MCC: variants seen among roughly 807,000 people sequenced by gnomAD.
The protein encoded by MCC is MCC regulator of Wnt signaling pathway, also known as colorectal mutant cancer protein.
A neutral mutation model predicts 116.2 loss-of-function variants in MCC; 90 were observed. The observed-to-expected ratio is 0.77, with a 90% CI of 0.65 to 0.92. MCC has a LOEUF of 0.92. Among genes scored for constraint, MCC ranks in the 40% least tolerant of loss-of-function variants. MCC has a pLI of 0.00. For synonymous variants in MCC, 578 were observed against 510.5 expected, an observed-to-expected ratio of 1.13 and a Z score of -1.78; for missense variants, 1,516 against 1,312.2, an observed-to-expected ratio of 1.16 and a Z score of -2.40.
intron 15 of MCC, among the ~76,000 whole-genome samples, chr5:113,052,054 C>T (rs1752521367): frequency 6.6e-6 from 1 of 152,134 alleles, no homozygotes; most frequent in Non-Finnish European, 1.5e-5. Context: ...CTCCTCCCAG[C>T]TTTTCTACTT....
intron 16 of MCC, chr5:113,044,579 T>C (rs1305360930): frequency 1.5e-6 from 1 of 678,222 alleles, no homozygotes; most frequent in Non-Finnish European, 1.8e-6. Context: ...AGATATTTTT[T>C]TGTTTGTTTT....
intron 1 of MCC, among the ~76,000 whole-genome samples, chr5:113,431,584 C>T (rs1193567878): frequency 6.6e-6 from 1 of 152,138 alleles, no homozygotes; most frequent in Admixed American, 6.5e-5. Context: ...CATTAGAAAG[C>T]TAGAGGCAGA....
intron 1 of MCC, among the ~76,000 whole-genome samples, chr5:113,482,167 T>C (rs1202506673): frequency 1.3e-5 from 2 of 152,226 alleles, no homozygotes; most frequent in Non-Finnish European, 2.9e-5. Flanking sequence ...ATTCATCAGA[T>C]GATGAACATT....
intron 1 of MCC, among the ~76,000 whole-genome samples, chr5:113,437,920 G>A (rs1368011489): frequency 2.0e-5 from 3 of 152,106 alleles, no homozygotes; most frequent in African/African-American, 7.2e-5. Flanking sequence ...TCACATCTCA[G>A]GTCTGCTCCT....
At position 113,237,263 on chromosome 5, in the gene MCC, C is replaced by A. The variant is rs1764168115; in HGVS notation, c.628-85841G>T. Among the ~76,000 whole-genome samples, 6 of 152,084 alleles carry A rather than the reference C, an allele frequency of 3.9e-5. No homozygotes were observed. The South Asian group carries it at 1.2e-3, about 32-fold the overall frequency. ...GAGATCACTGAGGCAAAAATGTGAACATTTTACTTCTACTTTTTAATGACT... is the reference window on the plus strand; with the variant it reads ...GAGATCACTGAGGCAAAAATGTGAAAATTTTACTTCTACTTTTTAATGACT... On this transcript the variant is annotated intron_variant, in intron 3 of 18. Transcript: ENST00000408903.
At chr5:113,199,968 A>T (rs909840678) in intron 3 of MCC, among the ~76,000 whole-genome samples, 1 of 150,694 alleles carries the variant, frequency 6.6e-6, no homozygotes, top group African/African-American at 2.5e-5. Flanking sequence ...TGGGTATCTG[A>T]AACAGAATTT....
At chr5:113,192,071 TAGA>T (rs1348112733) in intron 3 of MCC, among the ~76,000 whole-genome samples, 1 of 152,194 alleles carries the variant, frequency 6.6e-6, no homozygotes, top group Non-Finnish European at 1.5e-5. Flanking sequence ...ACTACAGAAC[TAGA>T]AGATGATGTT....
chr5:113,295,281 G>A (rs1407834694), intron 3 of MCC, among the ~76,000 whole-genome samples: 1 of 152,088 alleles, frequency 6.6e-6, no homozygotes. Flanking sequence ...AGACAGCACG[G>A]TGCACTTCTC....
intron 1 of MCC, among the ~76,000 whole-genome samples, chr5:113,450,960 T>C (rs1771375097): frequency 6.6e-6 from 1 of 152,208 alleles, no homozygotes; most frequent in South Asian, 2.1e-4. Context: ...GCCCCTACCC[T>C]CCTTTTTTTT....
intron 2 of MCC, among the ~76,000 whole-genome samples, chr5:113,354,516 T>A (rs1768361673): frequency 6.6e-6 from 1 of 150,432 alleles, no homozygotes; most frequent in East Asian, 2.0e-4. Flanking sequence ...CTCACTGCAA[T>A]CTCCACCTCC....
intron 16 of MCC, chr5:113,044,494 C>A: frequency 4.1e-6 from 4 of 983,916 alleles, no homozygotes; most frequent in Non-Finnish European, 4.8e-6. Context: ...GATCTCTCAA[C>A]GGACATGAGT....
intron 15 of MCC, among the ~76,000 whole-genome samples, chr5:113,053,483 G>C (rs1355920888): frequency 6.7e-6 from 1 of 150,268 alleles, no homozygotes; most frequent in African/African-American, 2.5e-5. Context: ...AGAGGATGAA[G>C]GGCTCCAAAG....
intron 2 of MCC, among the ~76,000 whole-genome samples, chr5:113,376,366 G>T (rs1000076345): frequency 2.0e-5 from 3 of 152,102 alleles, no homozygotes; most frequent in African/African-American, 7.2e-5. Context: ...TGTACTATTT[G>T]CCCAACATGC....
intron 13 of MCC, among the ~76,000 whole-genome samples, chr5:113,067,136 A>G (rs1753668396): frequency 6.6e-6 from 1 of 151,980 alleles, no homozygotes; most frequent in South Asian, 2.1e-4. Flanking sequence ...TACTCCTTCC[A>G]CCTTACTCAA....
intron 3 of MCC, among the ~76,000 whole-genome samples, chr5:113,282,153 A>G (rs890137047): frequency 6.6e-6 from 1 of 152,196 alleles, no homozygotes; most frequent in Non-Finnish European, 1.5e-5. Flanking sequence ...TAGAAAAAAA[A>G]TAGTTTTACA....
At chr5:113,258,545 T>C (rs1196289354) in intron 3 of MCC, among the ~76,000 whole-genome samples, 1 of 152,254 alleles carries the variant, frequency 6.6e-6, no homozygotes, top group African/African-American at 2.4e-5. Flanking sequence ...CTAGGTTGCA[T>C]GCTCCTTATG....
intron 1 of MCC, chr5:113,448,310 G>T (rs10053341): frequency 0.16 from 24,251 of 152,158 alleles, 2,102 homozygotes; most frequent in Non-Finnish European, 0.2. Context: ...AACATATGTG[G>T]AAGAGCTATG....
chr5:113,284,388 T>A (rs1766167044), intron 3 of MCC, among the ~76,000 whole-genome samples: 1 of 152,216 alleles, frequency 6.6e-6, no homozygotes, highest in South Asian at 2.1e-4. Context: ...GTCAACTGTA[T>A]TTTGATAGTG....
At chr5:113,097,171 G>A (rs1348753139) in intron 8 of MCC, among the ~76,000 whole-genome samples, 1 of 152,182 alleles carries the variant, frequency 6.6e-6, no homozygotes, top group Non-Finnish European at 1.5e-5. Flanking sequence ...TAAAAGCTGT[G>A]AGATACAGAT....
Sources: allele counts gnomAD v4.1 joint callset (sites outside exome capture counted in the v4.1 genomes callset), GRCh38; gene constraint gnomAD v4.1.1; transcripts MANE v1.5; gene names NCBI Gene and HGNC (gene_info 2026-07-23, HGNC 2026-07-21).